Variants in FASTKD2 observed in about 807,000 individuals in gnomAD.
The protein encoded by FASTKD2 is FAST kinase domain-containing protein 2, mitochondrial.
In FASTKD2, 51 loss-of-function variants were observed where a neutral mutation model predicts 63.6. That is an observed-to-expected ratio of 0.80 (90% confidence interval 0.64 to 1.01). The LOEUF (loss-of-function observed/expected upper bound fraction) is 1.01, where lower values mean the gene tolerates loss of function less well. Ranked by LOEUF, FASTKD2 falls within the 50% of genes least tolerant of loss-of-function variation. The pLI is 0.00. For missense variants in FASTKD2, 786 were observed against 831.1 expected (o/e 0.95, Z 0.67); for synonymous variants, 284 against 293.4 (o/e 0.97, Z 0.33).
At chr2:206,773,316 CAAAAAAAAA>C (rs869141094) in intron 6 of FASTKD2, among the ~76,000 whole-genome samples, 2 of 68,142 alleles carry the variant, frequency 2.9e-5, no homozygotes, top group Non-Finnish European at 6.0e-5. Context: ...AACTCTGTCT[CAAAAAAAAA>C]AAAAAAAAAA....
chr2:206,779,126 A>G (rs1204051746), intron 7 of FASTKD2, among the ~76,000 whole-genome samples: 1 of 152,164 alleles, frequency 6.6e-6, no homozygotes, highest in Non-Finnish European at 1.5e-5. Flanking sequence ...TTTTATCATT[A>G]TGTAATGACC....
At chr2:206,770,246 T>C (rs749139615) in intron 3 of FASTKD2, 52 bp downstream of exon 3, 29 of 1,165,998 alleles carry the variant, frequency 2.5e-5, no homozygotes, top group Non-Finnish European at 2.1e-5. Context: ...TCCTCATATA[T>C]CTGGAATAAA....
chr2:206,777,819 A>G (rs945240849), intron 7 of FASTKD2, among the ~76,000 whole-genome samples: 3 of 152,052 alleles, frequency 2.0e-5, no homozygotes, highest in African/African-American at 7.2e-5. Flanking sequence ...TACTGATTAA[A>G]TTTCCTTATT....
chr2:206,774,408 G>A lies in FASTKD2; in HGVS notation c.1427+11G>A. On this transcript the variant is annotated intron_variant, in intron 7 of 11. Transcript: ENST00000402774. ...ATGCCAGAACAAAGAGTATGTACTT[G>A]TTTTTTTTTACCTTTTTTATTGCCA... 2 of 1,530,042 alleles carry A rather than the reference G, an allele frequency of 1.3e-6. No individual in the cohort carries two copies. Among genetic ancestry groups the A allele is most frequent in the Non-Finnish European group, 1.8e-6 (2 of 1,113,532 alleles). The allele number at this position is 1,530,042 out of a possible 1,614,324, so 94.8% of individuals were successfully genotyped here.
At chr2:206,787,502 G>A (rs1293905115) in intron 8 of FASTKD2, among the ~76,000 whole-genome samples, 1 of 152,156 alleles carries the variant, frequency 6.6e-6, no homozygotes, top group Non-Finnish European at 1.5e-5. Context: ...ATAAATAAAT[G>A]TTATAAAATC....
chr2:206,767,086 G>C lies in FASTKD2; in HGVS notation c.393G>C (p.Lys131Asn). 1 of 1,614,094 alleles carries C rather than the reference G, an allele frequency of 6.2e-7. No individual in the cohort carries two copies. The highest frequency in any genetic ancestry group is 8.5e-7 in the Non-Finnish European group (1 of 1,180,000). Residue 131 changes from lysine (K) to asparagine (N), a missense_variant, in exon 2 of 12, where the codon AAG becomes AAC. Coordinates refer to ENST00000402774, the MANE Select transcript of FASTKD2 (RefSeq NM_001136193.2). ...VPVDKSDDELKKVNLNHEVSN... is the reference protein window; with the variant it reads ...VPVDKSDDELNKVNLNHEVSN... ...TTGATAAATCTGATGATGAATTGAA[G>C]AAAGTAAACCTTAATCATGAAGTCT... is the stretch of plus-strand genomic sequence containing the variant.
intron 10 of FASTKD2, chr2:206,789,213 C>T (rs368847843): frequency 3.6e-6 from 1 of 278,250 alleles, no homozygotes; most frequent in African/African-American, 2.2e-5. Flanking sequence ...AGACTTTGGA[C>T]AAGATAATAT....
chr2:206,793,220 C>CAAAAAAAAAAAAAAAAAAAAAAAAA lies in FASTKD2; in HGVS notation c.*1425_*1449dup, dbSNP rs58656956. Among the ~76,000 whole-genome samples, 3 of 65,822 alleles carry CAAAAAAAAAAAAAAAAAAAAAAAAA rather than the reference C, an allele frequency of 4.6e-5. No homozygotes were observed. Among genetic ancestry groups the CAAAAAAAAAAAAAAAAAAAAAAAAA allele is most frequent in the African/African-American group, 1.2e-4 (2 of 16,242 alleles). The allele number at this position is 65,822 out of a possible 152,430, so 43.2% of individuals were successfully genotyped here. ...CTGACCACAGAGCGAGACTCTGTCT[C>CAAAAAAAAAAAAAAAAAAAAAAAAA]AAAAAAAAAAAAAAAAAAAAAAAAA... On this transcript the variant is annotated 3_prime_UTR_variant, in exon 12 of 12. Coordinates refer to ENST00000402774, the MANE Select transcript of FASTKD2 (RefSeq NM_001136193.2).
In FASTKD2 at chr2:206,772,225, C is replaced by G; in HGVS notation, c.1159C>G (p.Gln387Glu). The change falls in exon 6 of 12, where the codon CAG (glutamine) becomes GAG (glutamate). Residue 387 changes from glutamine to glutamate, a missense_variant. By Grantham distance (29) the Gln-to-Glu change is conservative. Transcript: ENST00000402774. Reference protein sequence around the residue: ...CPLRIMINILQSCKDLQYHNL... With the variant: ...CPLRIMINILESCKDLQYHNL... The stretch of plus-strand genomic sequence containing the variant: ...TTTAAGAATAATGATCAACATATTG[C>G]AGTCCTGCAAAGACCTCCAGTACCA... The G allele has an allele frequency of 6.2e-7, 1 of 1,612,802 alleles. No homozygotes were observed. Among genetic ancestry groups the G allele is most frequent in the Non-Finnish European group, 8.5e-7 (1 of 1,178,798 alleles).
At chr2:206,770,729 C>CA (rs549037266) in intron 3 of FASTKD2, among the ~76,000 whole-genome samples, 19,183 of 76,762 alleles carry the variant, frequency 0.25, 2,032 homozygotes, top group African/African-American at 0.4. Flanking sequence ...GACTCTGTCT[C>CA]AAAAAAAAAA....
chr2:206,766,150 C>T (rs1689447027), intron 1 of FASTKD2, among the ~76,000 whole-genome samples: 2 of 149,908 alleles, frequency 1.3e-5, no homozygotes, highest in South Asian at 4.2e-4. Flanking sequence ...ATCCCAGCTA[C>T]TTGGGAGGCT....
chr2:206,770,211 G>A lies in FASTKD2; in HGVS notation c.881+17G>A, dbSNP rs1281224646. 1.4e-6 allele frequency: 2 copies of A among 1,438,404 alleles called. No individual in the cohort carries two copies. Among genetic ancestry groups the A allele is most frequent in the African/African-American group, 1.4e-5 (1 of 71,376 alleles). The allele number at this position is 1,438,404 out of a possible 1,614,324, so 89.1% of individuals were successfully genotyped here. ...GGGATTCAGGTGAGAACTCTCTTATGCTTTCTTCATGTGGTTTTCTTTGTT... is the reference window on the plus strand; with the variant it reads ...GGGATTCAGGTGAGAACTCTCTTATACTTTCTTCATGTGGTTTTCTTTGTT... On this transcript the variant is annotated intron_variant, in intron 3 of 11. Coordinates refer to ENST00000402774, the MANE Select transcript of FASTKD2 (RefSeq NM_001136193.2).
In FASTKD2 at chr2:206,767,221, G is replaced by A. The variant is rs532997479; in HGVS notation, c.528G>A (p.Ala176=). 13 of 1,614,166 alleles carry A rather than the reference G, an allele frequency of 8.1e-6. No homozygotes were observed. Among genetic ancestry groups the A allele is most frequent in the African/African-American group, 5.3e-5 (4 of 75,052 alleles). ...LSDVLDAFSK[A]PTFPSSNYFT... is the part of the protein sequence containing the mutation. ...ATGTGTTAGATGCATTTTCAAAAGC[G>A]CCCACATTTCCTAGTAGCAACTATT... The change falls in exon 2 of 12, where the codon GCG becomes GCA. Residue 176 remains alanine (A), a synonymous_variant. Coordinates refer to ENST00000402774, the MANE Select transcript of FASTKD2 (RefSeq NM_001136193.2).
rs1355451076 is a variant in FASTKD2 at position 206,791,878 on chromosome 2, G to A, written c.*76G>A. ...TAAAGATGACAAGTCAGTTGTCAAT[G>A]GAATTGAGCTATCTGCTAAGACAAA... On this transcript the variant is annotated 3_prime_UTR_variant, in exon 12 of 12. Transcript: ENST00000402774. 7.4e-6 allele frequency: 10 copies of A among 1,358,874 alleles called. No homozygotes were observed. The Admixed American group carries it at 1.8e-4, about 24-fold the overall frequency. The allele number at this position is 1,358,874 out of a possible 1,614,324, so 84.2% of individuals were successfully genotyped here.
intron 7 of FASTKD2, among the ~76,000 whole-genome samples, chr2:206,776,345 T>A (rs56243714): frequency 0.13 from 19,021 of 152,018 alleles, 1,558 homozygotes; most frequent in South Asian, 0.2. Flanking sequence ...GTTGACTGTT[T>A]CCTTTGCTGT....
At chr2:206,783,479 C>T (rs1008306049) in intron 7 of FASTKD2, among the ~76,000 whole-genome samples, 6 of 152,016 alleles carry the variant, frequency 3.9e-5, no homozygotes, top group Non-Finnish European at 8.8e-5. Context: ...TTCCTTTACT[C>T]CCCTGGCTTC....
At position 206,788,035 on chromosome 2, in the gene FASTKD2, C is replaced by T. The variant is rs148971447; in HGVS notation, c.1693C>T (p.Leu565=). 4.2e-5 allele frequency: 68 copies of T among 1,613,720 alleles called. No individual in the cohort carries two copies. The African/African-American group carries it at 8.4e-4, about 20-fold the overall frequency. The change falls in exon 9 of 12, where the codon CTG becomes TTG. Residue 565 remains leucine, a synonymous_variant. Transcript: ENST00000402774. Reference sequence around the variant, plus strand: ...GGACATAGCCTTGTCACTCCCACAGCTGCCGCGGGAGCTGCCATCGTCACA... The same window carrying T: ...GGACATAGCCTTGTCACTCCCACAGTTGCCGCGGGAGCTGCCATCGTCACA... ...LRDIALSLPQ[L]PRELPSSHTN... is the part of the protein sequence containing the mutation.
intron 7 of FASTKD2, among the ~76,000 whole-genome samples, chr2:206,785,570 G>A (rs1168788684): frequency 6.6e-6 from 1 of 152,136 alleles, no homozygotes; most frequent in African/African-American, 2.4e-5. Flanking sequence ...AGGGTGAGGA[G>A]TGGGGCAAGA....
Position 206,794,797 on chromosome 2 carries a change from T to G in FASTKD2, c.*2995T>G, listed in dbSNP as rs1278800060. 6.6e-6 allele frequency among the ~76,000 whole-genome samples: 1 copy of G among 152,224 alleles called. No individual in the cohort carries two copies. The highest frequency in any genetic ancestry group is 1.5e-5 in the Non-Finnish European group (1 of 68,040). On this transcript the variant is annotated 3_prime_UTR_variant, in exon 12 of 12. Coordinates refer to ENST00000402774, the MANE Select transcript of FASTKD2 (RefSeq NM_001136193.2). Reference sequence around the variant, plus strand: ...CATATCAAGTATTTCCAAATAACAATGACATTCCAATTTATAGAATGTCAT... The same window carrying G: ...CATATCAAGTATTTCCAAATAACAAGGACATTCCAATTTATAGAATGTCAT...
Sources: allele counts gnomAD v4.1 joint callset (sites outside exome capture counted in the v4.1 genomes callset), GRCh38; gene constraint gnomAD v4.1.1; transcripts MANE v1.5; gene names NCBI Gene and HGNC (gene_info 2026-07-23, HGNC 2026-07-21).